Variants in MTRFR observed in about 807,000 individuals in gnomAD.
MTRFR encodes the protein mitochondrial translation release factor in rescue, also known as probable peptide chain release factor C12orf65, mitochondrial.
Under a neutral mutation model 11.9 loss-of-function variants are expected in MTRFR, and 10 were observed. The ratio of observed to expected loss-of-function variants is 0.84; its 90% confidence interval spans 0.52 to 1.42. MTRFR has a LOEUF of 1.42. Ranked by LOEUF, MTRFR falls within the 40% of genes most tolerant of loss-of-function variation. The pLI, the probability that MTRFR is intolerant of heterozygous loss-of-function variation, is 0.00. For missense variants in MTRFR, 196 were observed against 197.9 expected, an observed-to-expected ratio of 0.99 and a Z score of 0.06; for synonymous variants, 77 against 79.1, an observed-to-expected ratio of 0.97 and a Z score of 0.14.
chr12:123,236,592 CAAA>C (rs113568323), intron 1 of MTRFR, among the ~76,000 whole-genome samples: 1 of 105,912 alleles, frequency 9.4e-6, no homozygotes, highest in Non-Finnish European at 2.0e-5. Context: ...GACCCTGTCT[CAAA>C]AAAAAAAAAA....
intron 1 of MTRFR, among the ~76,000 whole-genome samples, chr12:123,244,664 G>A (rs778231405): frequency 4.6e-5 from 7 of 151,880 alleles, no homozygotes; most frequent in Admixed American, 6.6e-5. Context: ...ACAGAGTCTC[G>A]CTCTGTCACC....
At chr12:123,235,367 G>A (rs1331974019) in intron 1 of MTRFR, among the ~76,000 whole-genome samples, 1 of 151,980 alleles carries the variant, frequency 6.6e-6, no homozygotes, top group Non-Finnish European at 1.5e-5. Flanking sequence ...GAGAGGAGTC[G>A]TCAAATACAG....
intron 1 of MTRFR, among the ~76,000 whole-genome samples, chr12:123,245,290 A>G (rs1055583829): frequency 6.6e-6 from 1 of 151,910 alleles, no homozygotes; most frequent in African/African-American, 2.4e-5. Context: ...ATGGCCTTAT[A>G]GTATAGTTTG....
chr12:123,237,259 C>G (rs2047865886), intron 1 of MTRFR, among the ~76,000 whole-genome samples: 1 of 152,042 alleles, frequency 6.6e-6, no homozygotes, highest in Non-Finnish European at 1.5e-5. Flanking sequence ...GAGAAACCCC[C>G]GCCTCTACTA....
At position 123,257,151 on chromosome 12, in the gene MTRFR, A is replaced by G. The variant is rs1012858393; in HGVS notation, c.*120A>G. On this transcript the variant is annotated 3_prime_UTR_variant, in exon 3 of 3. Coordinates refer to ENST00000253233, the MANE Select transcript of MTRFR (RefSeq NM_152269.5). ...AAAAGAAATATTTTTGATGAACTTA[A>G]AAGACAACAAATTTATTTAAATGGT... is the stretch of plus-strand genomic sequence containing the variant. 7.3e-6 allele frequency: 6 copies of G among 818,398 alleles called. No homozygotes were observed. Among genetic ancestry groups the G allele is most frequent in the Non-Finnish European group, 1.2e-5 (6 of 485,918 alleles). 50.7% of individuals were successfully genotyped at this position (818,398 alleles called of 1,614,324 possible).
At chr12:123,240,462 G>T (rs947912572) in intron 1 of MTRFR, 12 of 152,088 alleles carry the variant, frequency 7.9e-5, no homozygotes, top group African/African-American at 2.9e-4. Context: ...TTTGCATGGG[G>T]AGACTGGCTG....
At chr12:123,235,589 G>C (rs936131165) in intron 1 of MTRFR, among the ~76,000 whole-genome samples, 1 of 150,880 alleles carries the variant, frequency 6.6e-6, no homozygotes, top group Non-Finnish European at 1.5e-5. Flanking sequence ...AGCCAGGTTG[G>C]TCTCGATCTC....
chr12:123,248,994 A>C (rs2048080084), intron 1 of MTRFR: 1 of 151,434 alleles, frequency 6.6e-6, no homozygotes. Context: ...TGTGTTTACA[A>C]ACCTTCAGCT....
At position 123,253,873 on chromosome 12, in the gene MTRFR, G is replaced by C; in HGVS notation, c.199G>C (p.Gly67Arg). 6.2e-7 allele frequency: 1 copy of C among 1,614,200 alleles called. No individual in the cohort carries two copies. Among genetic ancestry groups the C allele is most frequent in the Non-Finnish European group, 8.5e-7 (1 of 1,180,036 alleles). The part of the protein sequence containing the change: ...ENELEEQFVK[G>R]HGPGGQATNK... ...TGAACTCGAAGAGCAGTTTGTGAAAGGACACGGTCCAGGGGGCCAGGCAAC... is the reference window on the plus strand; with the variant it reads ...TGAACTCGAAGAGCAGTTTGTGAAACGACACGGTCCAGGGGGCCAGGCAAC... The change falls in exon 2 of 3, where the codon GGA (glycine) becomes CGA (arginine). Residue 67 changes from glycine (G) to arginine (R), a missense_variant. Gly to Arg is a moderately radical substitution (Grantham distance 125). Transcript: ENST00000253233.
At position 123,253,807 on chromosome 12, in the gene MTRFR, G is replaced by C; in HGVS notation, c.133G>C (p.Gly45Arg). 1 of 1,614,220 alleles carries C rather than the reference G, an allele frequency of 6.2e-7. No homozygotes were observed. Among genetic ancestry groups the C allele is most frequent in the Non-Finnish European group, 8.5e-7 (1 of 1,180,036 alleles). ...AGCTGTCACTCCGGTCCAGATGGCAGGCAAGAAGGACTACCCTGCACTGCT... is the reference window on the plus strand; with the variant it reads ...AGCTGTCACTCCGGTCCAGATGGCACGCAAGAAGGACTACCCTGCACTGCT... Reference protein sequence around the residue: ...GIAVTPVQMAGKKDYPALLSL... With the variant: ...GIAVTPVQMARKKDYPALLSL... Residue 45 changes from glycine (G) to arginine (R), a missense_variant, in exon 2 of 3, where the codon GGC becomes CGC. Physicochemically the swap from Gly to Arg is moderately radical, Grantham distance 125 (BLOSUM62 -2). Transcript: ENST00000253233.
intron 2 of MTRFR, 42 bp from the exon 3 acceptor site, chr12:123,256,771 A>T (rs2048185681): frequency 1.3e-6 from 2 of 1,495,220 alleles, no homozygotes; most frequent in Non-Finnish European, 1.9e-6. Context: ...TCCATTTTTA[A>T]CATCCTGTGG....
At chr12:123,255,638 G>GT (rs976858675) in intron 2 of MTRFR, among the ~76,000 whole-genome samples, 190 of 151,442 alleles carry the variant, frequency 1.3e-3, no homozygotes, top group Admixed American at 2.8e-3. Flanking sequence ...GTTTCGTTTT[G>GT]TTTTTTGAGA....
rs772169426 is a variant in MTRFR, at chr12:123,257,082, A to C, written c.*51A>C. On this transcript the variant is annotated 3_prime_UTR_variant, in exon 3 of 3. Coordinates refer to ENST00000253233, the MANE Select transcript of MTRFR (RefSeq NM_152269.5). ...CAGAATCTGCCAGAAGCTCCCAGGG[A>C]ATAATGGTGGCGAGTTCCATCACCA... The C allele has an allele frequency of 4.2e-6, 6 of 1,422,242 alleles. No homozygotes were observed. The highest frequency in any genetic ancestry group is 5.9e-6 in the Non-Finnish European group (6 of 1,012,878). The allele number at this position is 1,422,242 out of a possible 1,614,324, so 88.1% of individuals were successfully genotyped here.
chr12:123,249,889 G>T (rs537876474), intron 1 of MTRFR: 1 of 152,358 alleles, frequency 6.6e-6, no homozygotes, highest in South Asian at 2.1e-4. Flanking sequence ...TTTCTCAGGT[G>T]TTCTTTGTGC....
chr12:123,249,597 C>G (rs534051273), intron 1 of MTRFR: 45 of 153,592 alleles, frequency 2.9e-4, no homozygotes, highest in African/African-American at 1.1e-3. Context: ...GCCGGCGGCA[C>G]CAGCCGGCCA....
chr12:123,244,610 GC>G (rs953706364), intron 1 of MTRFR, among the ~76,000 whole-genome samples: 1 of 152,050 alleles, frequency 6.6e-6, no homozygotes, highest in Non-Finnish European at 1.5e-5. Context: ...AATCAACAAA[GC>G]CCTTTCTAGA....
intron 1 of MTRFR, 190 bp downstream of exon 1, chr12:123,233,721 G>C (rs986888901): frequency 4.6e-5 from 7 of 152,308 alleles, no homozygotes; most frequent in Admixed American, 1.3e-4. Flanking sequence ...CAGTTTTCTC[G>C]GGACCTGGTT....
chr12:123,254,793 G>C (rs552269319), intron 2 of MTRFR: 1 of 152,026 alleles, frequency 6.6e-6, no homozygotes, highest in East Asian at 1.9e-4. Context: ...AAAATTAGCC[G>C]GGTGTGGTGG....
At chr12:123,236,816 C>T (rs1164051676) in intron 1 of MTRFR, among the ~76,000 whole-genome samples, 3 of 151,940 alleles carry the variant, frequency 2.0e-5, no homozygotes, top group African/African-American at 4.8e-5. Flanking sequence ...GGGCCGGGCG[C>T]GGTGGCTCAC....
Sources: allele counts gnomAD v4.1 joint callset (sites outside exome capture counted in the v4.1 genomes callset), GRCh38; gene constraint gnomAD v4.1.1; transcripts MANE v1.5; gene names NCBI Gene and HGNC (gene_info 2026-07-23, HGNC 2026-07-21).